SYT2: variants seen among roughly 807,000 people sequenced by gnomAD.
SYT2 encodes the protein synaptotagmin 2, also known as synaptotagmin-2.
Under a neutral mutation model 39.9 loss-of-function variants are expected in SYT2, and 15 were observed. The ratio of observed to expected loss-of-function variants is 0.38; its 90% confidence interval spans 0.25 to 0.58. The LOEUF is 0.58. Ranked by LOEUF, SYT2 falls within the 20% of genes least tolerant of loss-of-function variation. The pLI, the probability that SYT2 is intolerant of heterozygous loss-of-function variation, is 0.70. For missense variants in SYT2, 389 were observed against 530.3 expected (o/e 0.73, Z 2.62); for synonymous variants, 181 against 204.5 (o/e 0.89, Z 0.98).
At position 202,624,182 on chromosome 1, in the gene SYT2, G is replaced by A. The variant is rs144208178; in HGVS notation, c.-17-18393C>T. Among the ~76,000 whole-genome samples the A allele has an allele frequency of 7.1e-3, 1,078 of 152,036 alleles. 9 individuals are homozygous for A. Among genetic ancestry groups the A allele is most frequent in the African/African-American group, 0.024 (1,014 of 41,418 alleles). ...ATGTGGCGTGTGCATGTATGTGGTG[G>A]GTAGGGGTATATGTGGTGGTATGTA... On this transcript the variant is annotated intron_variant, in intron 1 of 8. Transcript: ENST00000367268.
chr1:202,680,586 A>G (rs1653499716), intron 1 of SYT2, among the ~76,000 whole-genome samples: 1 of 152,216 alleles, frequency 6.6e-6, no homozygotes. Context: ...TGGGGCAAGA[A>G]GATGGGAAGG....
In SYT2 at chr1:202,599,386, C is replaced by T. The variant is rs1163593294; in HGVS notation, c.920-35G>A. The T allele has an allele frequency of 1.9e-6, 3 of 1,557,728 alleles. No homozygotes were observed. The highest frequency in any genetic ancestry group is 1.4e-5 in the African/African-American group (1 of 71,344). ...GAGAATCCCAACCCCAGAGAGGTTC[C>T]CCTTAGCCCCCAGCCTTCCTGCCGA... On this transcript the variant is annotated intron_variant, in intron 7 of 8. Coordinates refer to ENST00000367268, the MANE Select transcript of SYT2 (RefSeq NM_177402.5). This position sits in a 1 kb window ranked among gnomAD's most constrained non-coding sequence, Gnocchi z 4.4.
intron 1 of SYT2, among the ~76,000 whole-genome samples, chr1:202,627,056 TGC>T (rs1418489488): frequency 6.6e-6 from 1 of 152,196 alleles, no homozygotes; most frequent in Non-Finnish European, 1.5e-5. Context: ...AGGGGTGCAG[TGC>T]TCGCCAAGTC....
At chr1:202,678,291 A>C (rs919079446) in intron 1 of SYT2, among the ~76,000 whole-genome samples, 1 of 151,230 alleles carries the variant, frequency 6.6e-6, no homozygotes, top group South Asian at 2.1e-4. Flanking sequence ...AAAAAAAAAA[A>C]AAAAAAAAAA....
chr1:202,689,449 G>C (rs1314958698), intron 1 of SYT2, among the ~76,000 whole-genome samples: 2 of 152,292 alleles, frequency 1.3e-5, no homozygotes, highest in South Asian at 4.1e-4. Flanking sequence ...GGAAAGTGAG[G>C]AGGGGATGAG....
At position 202,657,593 on chromosome 1, in the gene SYT2, G is replaced by A. The variant is rs369698112; in HGVS notation, c.-17-51804C>T. On this transcript the variant is annotated intron_variant, in intron 1 of 8. Coordinates refer to ENST00000367268, the MANE Select transcript of SYT2 (RefSeq NM_177402.5). ...TTCCCCTCTCCTCCCTCACACTGGA[G>A]AGCTGTGAGATCGCCTTAGGGACCC... is the stretch of plus-strand genomic sequence containing the variant. Among the ~76,000 whole-genome samples, 66 of 152,256 alleles carry A rather than the reference G, an allele frequency of 4.3e-4. No homozygotes were observed. In the East Asian group the frequency reaches 9.7e-3, roughly 22 times the overall value.
In SYT2 at chr1:202,594,579, CTG is replaced by C. The variant is rs571870548; in HGVS notation, c.*2176_*2177del. ...GATGTCCATACCAGGAAATCCCACTCTGTGGCCACCCAGATTCTGAAAACACC... is the reference window on the plus strand; with the variant it reads ...GATGTCCATACCAGGAAATCCCACTCTGGCCACCCAGATTCTGAAAACACC... On this transcript the variant is annotated 3_prime_UTR_variant, in exon 9 of 9. Coordinates refer to ENST00000367268, the MANE Select transcript of SYT2 (RefSeq NM_177402.5). 43 of 152,254 alleles carry C rather than the reference CTG, an allele frequency of 2.8e-4. No homozygotes were observed. Among genetic ancestry groups the C allele is most frequent in the Admixed American group, 2.6e-3 (39 of 15,286 alleles). 9.4% of individuals were successfully genotyped at this position (152,254 alleles called of 1,614,324 possible). A position where few individuals can be genotyped will look rare whatever the true frequency, so the allele number is the denominator to read the frequency against.
chr1:202,608,033 C>G (rs1344435282), intron 1 of SYT2, among the ~76,000 whole-genome samples: 1 of 152,168 alleles, frequency 6.6e-6, no homozygotes, highest in African/African-American at 2.4e-5. Context: ...AAAAGAAACC[C>G]AGTCCCATTA....
At chr1:202,679,257 T>G (rs1250268035) in intron 1 of SYT2, among the ~76,000 whole-genome samples, 1 of 152,160 alleles carries the variant, frequency 6.6e-6, no homozygotes, top group Admixed American at 6.5e-5. Context: ...GCTGCCTTGA[T>G]GGTGAAGACT....
intron 1 of SYT2, among the ~76,000 whole-genome samples, chr1:202,701,112 C>G (rs1261618532): frequency 6.6e-6 from 1 of 152,202 alleles, no homozygotes; most frequent in African/African-American, 2.4e-5. Context: ...TCACAAAAGT[C>G]CTTTTCATAG....
Position 202,683,673 on chromosome 1 carries a change from T to C in SYT2, c.-18+26585A>G, listed in dbSNP as rs1488583429. On this transcript the variant is annotated intron_variant, in intron 1 of 8. Transcript: ENST00000367268. Reference sequence around the variant, plus strand: ...GGAGGACTGCTTAAGCTGAAGGAGGTCAAGACTTCAGTGAGCCACGATGGT... The same window carrying C: ...GGAGGACTGCTTAAGCTGAAGGAGGCCAAGACTTCAGTGAGCCACGATGGT... Among the ~76,000 whole-genome samples, 60 of 147,250 alleles carry C rather than the reference T, an allele frequency of 4.1e-4. 2 individuals carry two copies. In the Admixed American group the frequency reaches 4.2e-3, roughly 10 times the overall value.
intron 1 of SYT2, among the ~76,000 whole-genome samples, chr1:202,692,350 G>C (rs533120737): frequency 6.6e-6 from 1 of 152,138 alleles, no homozygotes; most frequent in Non-Finnish European, 1.5e-5. Context: ...GCTGCATTTT[G>C]CCTATGGGTG....
At chr1:202,625,311 G>GGT (rs147106297) in intron 1 of SYT2, among the ~76,000 whole-genome samples, 2,556 of 73,096 alleles carry the variant, frequency 0.035, 318 homozygotes, top group East Asian at 0.26. Context: ...GTGTCTGTGT[G>GGT]GTGTGTGTGT....
At chr1:202,687,728 C>G (rs1169413425) in intron 1 of SYT2, among the ~76,000 whole-genome samples, 1 of 149,900 alleles carries the variant, frequency 6.7e-6, no homozygotes, top group Non-Finnish European at 1.5e-5. Flanking sequence ...GTGCAGCCAA[C>G]AGCATATGCG....
chr1:202,708,616 C>T (rs1046508739), intron 1 of SYT2, among the ~76,000 whole-genome samples: 5 of 152,124 alleles, frequency 3.3e-5, no homozygotes, highest in Admixed American at 3.3e-4. Context: ...GAGTTGGACT[C>T]CCTAGGCTGC....
chr1:202,640,734 C>G (rs144658821), intron 1 of SYT2, among the ~76,000 whole-genome samples: 12 of 90,668 alleles, frequency 1.3e-4, no homozygotes, highest in Non-Finnish European at 2.2e-4. Flanking sequence ...TCCTAATGGT[C>G]AGAGAGAGAG....
intron 1 of SYT2, among the ~76,000 whole-genome samples, chr1:202,643,608 A>C (rs1347657986): frequency 6.6e-6 from 1 of 151,642 alleles, no homozygotes; most frequent in African/African-American, 2.4e-5. Flanking sequence ...CGCCCCAGGC[A>C]ATCCCCGCTG....
At chr1:202,619,494 T>C (rs1472957108) in intron 1 of SYT2, among the ~76,000 whole-genome samples, 3 of 152,154 alleles carry the variant, frequency 2.0e-5, no homozygotes, top group Non-Finnish European at 4.4e-5. Flanking sequence ...AGGAAGGGTC[T>C]CTCAGGCTTG....
intron 1 of SYT2, among the ~76,000 whole-genome samples, chr1:202,662,640 C>G (rs1311466765): frequency 1.3e-5 from 2 of 152,162 alleles, no homozygotes; most frequent in African/African-American, 4.8e-5. Context: ...CCTAACTTCC[C>G]TGGACATGTG....
Sources: gnomAD v4.1 joint callset for allele counts (sites outside exome capture counted in the v4.1 genomes callset) on GRCh38, gnomAD v4.1.1 for gene constraint, Gnocchi (gnomAD v3.1) non-coding constraint, MANE v1.5 for transcripts, NCBI Gene and HGNC (gene_info 2026-07-23, HGNC 2026-07-21) for gene names.